RSPH1: variants seen among roughly 807,000 people sequenced by gnomAD.
RSPH1 encodes the protein radial spoke head component 1, also known as radial spoke head 1 homolog.
Under a neutral mutation model 44.2 loss-of-function variants are expected in RSPH1, and 32 were observed. The ratio of observed to expected loss-of-function variants is 0.72; its 90% confidence interval spans 0.55 to 0.97. The LOEUF (loss-of-function observed/expected upper bound fraction) is 0.97, where lower values mean the gene tolerates loss of function less well. RSPH1 is among the 50% of genes least tolerant of loss of function. The probability of loss-of-function intolerance (pLI) is 0.00; values close to 1 mark genes in which losing one functional copy is unlikely to be tolerated. For missense variants in RSPH1, 391 were observed against 398.7 expected, an observed-to-expected ratio of 0.98 and a Z score of 0.16; for synonymous variants, 134 against 147.3, an observed-to-expected ratio of 0.91 and a Z score of 0.65.
chr21:42,490,807 C>T (rs572691966), intron 3 of RSPH1, among the ~76,000 whole-genome samples: 1 of 152,282 alleles, frequency 6.6e-6, no homozygotes, highest in South Asian at 2.1e-4. Context: ...TGGGACTGAA[C>T]ACCAGAAAGA....
intron 6 of RSPH1, among the ~76,000 whole-genome samples, chr21:42,479,762 T>C (rs531298577): frequency 4.9e-4 from 64 of 131,146 alleles, no homozygotes; most frequent in African/African-American, 1.7e-3. Context: ...CACACACACA[T>C]AAATGAAGTG....
Position 42,492,754 on chromosome 21 carries a change from T to A in RSPH1, c.274+4A>T. Reference sequence around the variant, plus strand: ...CGAAAATCTGCTTAGTGATAACATTTTACCTTCATATCTGGATCCATCTGG... The same window carrying A: ...CGAAAATCTGCTTAGTGATAACATTATACCTTCATATCTGGATCCATCTGG... On this transcript the variant is annotated splice_donor_region_variant and intron_variant, in intron 3 of 8. Coordinates refer to ENST00000291536, the MANE Select transcript of RSPH1 (RefSeq NM_080860.4). 6.4e-7 allele frequency: 1 copy of A among 1,555,046 alleles called. No homozygotes were observed. The highest frequency in any genetic ancestry group is 1.1e-5 in the South Asian group (1 of 88,358).
intron 1 of RSPH1, among the ~76,000 whole-genome samples, chr21:42,495,281 C>T (rs911025324): frequency 6.6e-6 from 1 of 152,200 alleles, no homozygotes; most frequent in Admixed American, 6.5e-5. Flanking sequence ...GCAAATCAGG[C>T]GGAAGCTGGG....
chr21:42,485,660 T>A lies in RSPH1; in HGVS notation c.501+9A>T, dbSNP rs373972724. 1.9e-6 allele frequency: 3 copies of A among 1,614,084 alleles called. No individual in the cohort carries two copies. In the East Asian group the frequency reaches 6.7e-5, roughly 36 times the overall value. ...CTTCATTGGCAAATGTCACTTCCCA[T>A]GGACTTACATTTTTGTTCAAGAACT... On this transcript the variant is annotated intron_variant, in intron 5 of 8. Coordinates refer to ENST00000291536, the MANE Select transcript of RSPH1 (RefSeq NM_080860.4).
At chr21:42,476,721 C>G (rs77117735) in intron 7 of RSPH1, among the ~76,000 whole-genome samples, 3,329 of 152,232 alleles carry the variant, frequency 0.022, 113 homozygotes, top group African/African-American at 0.074. Flanking sequence ...CGAGACGCCA[C>G]AGTGCTCCCC....
intron 6 of RSPH1, among the ~76,000 whole-genome samples, chr21:42,482,129 G>C (rs2054134155): frequency 1.3e-5 from 2 of 152,164 alleles, no homozygotes; most frequent in South Asian, 4.1e-4. Context: ...TGTCGCCCAG[G>C]CTGGAGTGCA....
chr21:42,484,415 T>C (rs2054158770), intron 5 of RSPH1, among the ~76,000 whole-genome samples: 2 of 152,148 alleles, frequency 1.3e-5, no homozygotes, highest in Admixed American at 1.3e-4. Context: ...AAATGACAAA[T>C]ATGTATCTTT....
intron 6 of RSPH1, among the ~76,000 whole-genome samples, chr21:42,480,068 G>A: frequency 6.6e-6 from 1 of 152,330 alleles, no homozygotes; most frequent in East Asian, 1.9e-4. Context: ...CAGCCAAGAA[G>A]GTGGACCATG....
At position 42,475,902 on chromosome 21, in the gene RSPH1, A is replaced by C. The variant is rs2054041836; in HGVS notation, c.873T>G (p.Asp291Glu). The C allele has an allele frequency of 6.2e-7, 1 of 1,609,256 alleles. No homozygotes were observed. The highest frequency in any genetic ancestry group is 8.5e-7 in the Non-Finnish European group (1 of 1,178,942). The change falls in exon 8 of 9, where the codon GAT (aspartate) becomes GAG (glutamate). Residue 291 changes from aspartate (D) to glutamate (E), a missense_variant. Physicochemically the swap from Asp to Glu is conservative, Grantham distance 45 (BLOSUM62 2). Transcript: ENST00000291536. ...YDQEEFRYDM[D>E]EGNINSEEEE... ...TTCCCTGCGCAGGGACCTCACCCTC[A>C]TCCATGTCATAGCGGAACTCCTCCT...
chr21:42,472,521 C>T lies in RSPH1; in HGVS notation c.*297G>A. The T allele has an allele frequency of 4.2e-6, 1 of 237,446 alleles. No homozygotes were observed. 14.7% of individuals were successfully genotyped at this position (237,446 alleles called of 1,614,324 possible). A position where few individuals can be genotyped will look rare whatever the true frequency, so the allele number is the denominator to read the frequency against. On this transcript the variant is annotated 3_prime_UTR_variant, in exon 9 of 9. Transcript: ENST00000291536. ...AAAGGATAATAAAGACGTTTATTTGCATTTGTCAATCAACTTAACATACAG... is the reference window on the plus strand; with the variant it reads ...AAAGGATAATAAAGACGTTTATTTGTATTTGTCAATCAACTTAACATACAG...
intron 1 of RSPH1, among the ~76,000 whole-genome samples, chr21:42,494,865 A>G (rs1171478217): frequency 6.6e-6 from 1 of 151,866 alleles, no homozygotes; most frequent in Non-Finnish European, 1.5e-5. Flanking sequence ...ATGCCCGGCT[A>G]ATTTTTTGTA....
chr21:42,477,650 G>A (rs923353556), intron 6 of RSPH1, among the ~76,000 whole-genome samples: 2 of 152,170 alleles, frequency 1.3e-5, no homozygotes, highest in African/African-American at 2.4e-5. Flanking sequence ...AAGAGCCAGG[G>A]TGAGGAATAA....
intron 3 of RSPH1, among the ~76,000 whole-genome samples, chr21:42,489,228 G>C (rs2054211316): frequency 6.6e-6 from 1 of 152,064 alleles, no homozygotes; most frequent in Non-Finnish European, 1.5e-5. Context: ...CAGTTGACTG[G>C]TTTGTTGATT....
chr21:42,477,889 C>A (rs115921974), intron 6 of RSPH1, among the ~76,000 whole-genome samples: 2,382 of 152,086 alleles, frequency 0.016, 74 homozygotes, highest in African/African-American at 0.055. Flanking sequence ...TTAGTAGAAA[C>A]ATAATTATTT....
chr21:42,476,998 CACAGCCCGGGGGATGCCCCACACCCTCT>C (rs1568958635), intron 7 of RSPH1, among the ~76,000 whole-genome samples: 4 of 102,070 alleles, frequency 3.9e-5, no homozygotes, highest in Non-Finnish European at 8.1e-5. Context: ...CCCTCTGTCC[CACAGCCCGGGGGATGCCCCACACCCTCT>C]GTCCCACAGC....
chr21:42,482,567 G>T, intron 6 of RSPH1, 70 bp downstream of exon 6: 1 of 1,142,276 alleles, frequency 8.8e-7, no homozygotes, highest in Non-Finnish European at 1.3e-6. Flanking sequence ...CTCCAACCTT[G>T]CAGGATCAAT....
Position 42,472,878 on chromosome 21 carries a change from G to T in RSPH1, c.878-8C>A. 6.3e-7 allele frequency: 1 copy of T among 1,587,650 alleles called. No individual in the cohort carries two copies. The highest frequency in any genetic ancestry group is 8.6e-7 in the Non-Finnish European group (1 of 1,156,556). On this transcript the variant is annotated splice_polypyrimidine_tract_variant and splice_region_variant and intron_variant, in intron 8 of 8. Transcript: ENST00000291536. ...CTTCAGAATTAATGTTTCCTGAAAAGAAAAGAGAAACATGAGTATATCTCA... is the reference window on the plus strand; with the variant it reads ...CTTCAGAATTAATGTTTCCTGAAAATAAAAGAGAAACATGAGTATATCTCA...
intron 7 of RSPH1, among the ~76,000 whole-genome samples, chr21:42,476,857 GC>G (rs2054057291): frequency 6.6e-6 from 1 of 152,078 alleles, no homozygotes. Flanking sequence ...ATAACATCCC[GC>G]ACACTCAACT....
At position 42,475,936 on chromosome 21, in the gene RSPH1, T is replaced by C. The variant is rs755647494; in HGVS notation, c.839A>G (p.Glu280Gly). The change falls in exon 8 of 9, where the codon GAG becomes GGG. Residue 280 changes from glutamate (E) to glycine (G), a missense_variant. Transcript: ENST00000291536. Reference protein sequence around the residue: ...DADVLREESREYDQEEFRYDM... With the variant: ...DADVLREESRGYDQEEFRYDM... ...ATAGCGGAACTCCTCCTGGTCATACTCCCGGCTCTCTTCCCGGAGGACGTC... is the reference window on the plus strand; with the variant it reads ...ATAGCGGAACTCCTCCTGGTCATACCCCCGGCTCTCTTCCCGGAGGACGTC... 2.5e-6 allele frequency: 4 copies of C among 1,611,588 alleles called. No individual in the cohort carries two copies. The South Asian group carries it at 4.4e-5, about 18-fold the overall frequency.
Sources: allele counts gnomAD v4.1 joint callset (sites outside exome capture counted in the v4.1 genomes callset), GRCh38; gene constraint gnomAD v4.1.1; transcripts MANE v1.5; gene names NCBI Gene and HGNC (gene_info 2026-07-23, HGNC 2026-07-21).